Variants in TASP1 observed in about 807,000 individuals in gnomAD.
TASP1 encodes the protein threonine aspartase 1.
In TASP1, 16 loss-of-function variants were observed where a neutral mutation model predicts 56.6. The observed-to-expected ratio is 0.28, with a 90% CI of 0.19 to 0.43. The LOEUF is 0.43. Ranked by LOEUF, TASP1 falls within the 20% of genes least tolerant of loss-of-function variation. The pLI is 1.00. For missense variants in TASP1, 393 were observed against 511.6 expected (o/e 0.77, Z 2.24); for synonymous variants, 179 against 184.2 (o/e 0.97, Z 0.23).
chr20:13,530,745 T>C (rs1204541778), intron 9 of TASP1, among the ~76,000 whole-genome samples: 3 of 152,320 alleles, frequency 2.0e-5, no homozygotes, highest in African/African-American at 7.2e-5. Flanking sequence ...AGACCTAAAA[T>C]TGTCTTTCTT....
intron 7 of TASP1, among the ~76,000 whole-genome samples, chr20:13,562,709 T>C (rs1202273848): frequency 6.6e-6 from 1 of 151,684 alleles, no homozygotes; most frequent in East Asian, 2.0e-4. Context: ...AAACCCTGTC[T>C]CTATAAAAAA....
chr20:13,490,921 A>T (rs897926751), intron 10 of TASP1, among the ~76,000 whole-genome samples: 2 of 152,206 alleles, frequency 1.3e-5, no homozygotes, highest in African/African-American at 4.8e-5. Context: ...TAGAGTAAGC[A>T]CTTAATAAAT....
At chr20:13,367,911 G>A in the TASP1 span, among the ~76,000 whole-genome samples, 6 of 152,118 alleles carry the variant, frequency 3.9e-5, no homozygotes, top group Non-Finnish European at 7.4e-5. Flanking sequence ...CAGCTACCCC[G>A]GAGCTATGAA....
chr20:13,234,570 A>C, the TASP1 span, among the ~76,000 whole-genome samples: 1 of 152,242 alleles, frequency 6.6e-6, no homozygotes, highest in Non-Finnish European at 1.5e-5. Flanking sequence ...CATTCCCACC[A>C]ACAGTGTATA....
the TASP1 span, among the ~76,000 whole-genome samples, chr20:13,250,540 A>T: frequency 6.6e-6 from 1 of 152,168 alleles, no homozygotes; most frequent in Non-Finnish European, 1.5e-5. Flanking sequence ...CTTGCTGCAC[A>T]TTGGAATCGC....
the TASP1 span, among the ~76,000 whole-genome samples, chr20:13,144,806 G>A: frequency 2.8e-4 from 42 of 152,006 alleles, no homozygotes; most frequent in African/African-American, 7.2e-4. Flanking sequence ...ACGGAGTCTC[G>A]CTCTGTCGCC....
At chr20:13,176,663 T>A in the TASP1 span, among the ~76,000 whole-genome samples, 1 of 152,202 alleles carries the variant, frequency 6.6e-6, no homozygotes, top group African/African-American at 2.4e-5. Context: ...GTCCTGTAGC[T>A]TTTTTGTTGT....
At chr20:13,586,097 T>A (rs2047293099) in intron 5 of TASP1, among the ~76,000 whole-genome samples, 1 of 142,820 alleles carries the variant, frequency 7.0e-6, no homozygotes, top group Non-Finnish European at 1.5e-5. Flanking sequence ...ATCGCACCAC[T>A]GCACTCCAGG....
At chr20:13,622,694 A>G (rs2048757769) in intron 4 of TASP1, among the ~76,000 whole-genome samples, 1 of 152,018 alleles carries the variant, frequency 6.6e-6, no homozygotes, top group Non-Finnish European at 1.5e-5. Context: ...TCCTCCCTCA[A>G]ACTCATCATT....
the TASP1 span, among the ~76,000 whole-genome samples, chr20:13,250,121 C>T: frequency 6.6e-6 from 1 of 152,152 alleles, no homozygotes; most frequent in South Asian, 2.1e-4. Context: ...AGATGGAAAA[C>T]TGCTGGTAGT....
intron 4 of TASP1, among the ~76,000 whole-genome samples, chr20:13,607,087 T>C (rs555872447): frequency 5.3e-5 from 8 of 152,152 alleles, no homozygotes; most frequent in Admixed American, 1.3e-4. Flanking sequence ...CAAGAGAAAT[T>C]AAACAAACTT....
intron 1 of TASP1, among the ~76,000 whole-genome samples, chr20:13,637,570 A>T (rs1340080477): frequency 6.6e-6 from 1 of 152,256 alleles, no homozygotes; most frequent in Non-Finnish European, 1.5e-5. Context: ...AACAGAATGA[A>T]ATACTGATAC....
chr20:13,577,202 T>C (rs915358059), intron 6 of TASP1, among the ~76,000 whole-genome samples: 1 of 152,144 alleles, frequency 6.6e-6, no homozygotes, highest in Non-Finnish European at 1.5e-5. Flanking sequence ...ATTTTTTAAA[T>C]GTTATATTAC....
chr20:13,269,361 TAAAG>T, the TASP1 span, among the ~76,000 whole-genome samples: 2 of 152,196 alleles, frequency 1.3e-5, no homozygotes, highest in African/African-American at 4.8e-5. Flanking sequence ...CCCATAGTGA[TAAAG>T]AAATGGTGAC....
intron 4 of TASP1, chr20:13,614,882 A>C (rs754410034): frequency 5.2e-5 from 24 of 461,426 alleles, no homozygotes; most frequent in Non-Finnish European, 8.5e-5. Context: ...CATGAGCTAA[A>C]ACAGAAAAGA....
chr20:13,350,285 A>G, the TASP1 span, among the ~76,000 whole-genome samples: 9 of 152,374 alleles, frequency 5.9e-5, no homozygotes, highest in South Asian at 1.7e-3. Context: ...TGGAAGACTC[A>G]ACAATATTAA....
At chr20:13,391,378 T>C (rs919378221) in intron 13 of TASP1, among the ~76,000 whole-genome samples, 4 of 152,278 alleles carry the variant, frequency 2.6e-5, no homozygotes, top group East Asian at 1.9e-4. Flanking sequence ...AGAATTCCTC[T>C]TTTTGGTGAT....
the TASP1 span, among the ~76,000 whole-genome samples, chr20:13,282,415 G>C: frequency 6.6e-6 from 1 of 152,174 alleles, no homozygotes; most frequent in Non-Finnish European, 1.5e-5. Context: ...ACCACCACTA[G>C]AAACAACTTT....
chr20:13,326,946 T>G, the TASP1 span, among the ~76,000 whole-genome samples: 5 of 152,160 alleles, frequency 3.3e-5, no homozygotes, highest in East Asian at 9.6e-4. Context: ...TAACACAGTA[T>G]TGGAAGTTCT....
Sources: allele counts gnomAD v4.1 joint callset (sites outside exome capture counted in the v4.1 genomes callset), GRCh38; gene constraint gnomAD v4.1.1; transcripts MANE v1.5; gene names NCBI Gene and HGNC (gene_info 2026-07-23, HGNC 2026-07-21).